The following ARID4B variants were observed in gnomAD, a reference collection of about 807,000 sequenced individuals.
ARID4B encodes the protein AT-rich interactive domain-containing protein 4B.
Under a neutral mutation model 147.5 loss-of-function variants are expected in ARID4B, and 26 were observed. The observed-to-expected ratio is 0.18, with a 90% CI of 0.13 to 0.24. The LOEUF (loss-of-function observed/expected upper bound fraction) is 0.24. Ranked by LOEUF, ARID4B falls within the 10% of genes least tolerant of loss-of-function variation. The probability of loss-of-function intolerance (pLI) is 1.00; values close to 1 mark genes in which losing one functional copy is unlikely to be tolerated. For synonymous variants in ARID4B, 512 were observed against 507.9 expected (o/e 1.01, Z -0.11); for missense variants, 1,179 against 1,511.5 (o/e 0.78, Z 3.65).
At chr1:235,184,827 T>G (rs201077885) in intron 19 of ARID4B, among the ~76,000 whole-genome samples, 35 of 152,294 alleles carry the variant, frequency 2.3e-4, no homozygotes, top group South Asian at 8.3e-4. Context: ...ATTTATTTTT[T>G]TGTGTGTGTG....
intron 2 of ARID4B, among the ~76,000 whole-genome samples, chr1:235,291,166 G>C (rs1269012727): frequency 6.6e-6 from 1 of 152,102 alleles, no homozygotes; most frequent in African/African-American, 2.4e-5. Flanking sequence ...GGATGCGGAG[G>C]TGGGCAGATC....
At chr1:235,248,826 G>A (rs376820180) in intron 6 of ARID4B, among the ~76,000 whole-genome samples, 2 of 152,154 alleles carry the variant, frequency 1.3e-5, no homozygotes, top group African/African-American at 4.8e-5. Flanking sequence ...AAAGACCTGG[G>A]GGTAGGGTAG....
At chr1:235,181,307 C>A (rs758224277) in intron 20 of ARID4B, 79 of 576,510 alleles carry the variant, frequency 1.4e-4, no homozygotes, top group Non-Finnish European at 1.8e-4. Context: ...AATTCTCAAA[C>A]AGGTTTGGAT....
chr1:235,304,748 C>T (rs1673425793), intron 2 of ARID4B, among the ~76,000 whole-genome samples: 1 of 152,128 alleles, frequency 6.6e-6, no homozygotes, highest in Admixed American at 6.6e-5. Flanking sequence ...TACCCATCAC[C>T]ACAAGCATAT....
chr1:235,274,951 G>A (rs1313293136), intron 2 of ARID4B, among the ~76,000 whole-genome samples: 1 of 151,894 alleles, frequency 6.6e-6, no homozygotes, highest in Non-Finnish European at 1.5e-5. Flanking sequence ...CTAAAAACAG[G>A]CACAATGGTA....
At position 235,308,336 on chromosome 1, in the gene ARID4B, A is replaced by C. The variant is rs541743951; in HGVS notation, c.6+18578T>G. ...CCAGGCTGGTCATGAACTCCTCCTG[A>C]CTTCAAGTGATTCGCCCACCTTGGC... On this transcript the variant is annotated intron_variant, in intron 2 of 23. Coordinates refer to ENST00000264183, the MANE Select transcript of ARID4B (RefSeq NM_016374.6). Among the ~76,000 whole-genome samples the C allele has an allele frequency of 3.3e-5, 5 of 151,146 alleles. No individual in the cohort carries two copies. The East Asian group carries it at 9.9e-4, about 30-fold the overall frequency.
chr1:235,292,110 C>A (rs2103214253), intron 2 of ARID4B, among the ~76,000 whole-genome samples: 1 of 152,260 alleles, frequency 6.6e-6, no homozygotes, highest in African/African-American at 2.4e-5. Flanking sequence ...AATACAGATA[C>A]AACTTATAAT....
chr1:235,240,622 A>G (rs1668921513), intron 7 of ARID4B, 171 bp from the exon 8 acceptor site: 1 of 645,514 alleles, frequency 1.5e-6, no homozygotes, highest in Non-Finnish European at 2.6e-6. Context: ...GCAAGAGTTT[A>G]TCATGAGAGG....
At chr1:235,326,877 A>G in intron 2 of ARID4B, 37 bp downstream of exon 2, 2 of 1,613,114 alleles carry the variant, frequency 1.2e-6, no homozygotes, top group African/African-American at 1.3e-5. Flanking sequence ...CCTGAATTCG[A>G]TAACCCCAGA....
intron 2 of ARID4B, among the ~76,000 whole-genome samples, chr1:235,314,001 T>G (rs1470885692): frequency 3.3e-5 from 5 of 152,162 alleles, no homozygotes; most frequent in African/African-American, 1.2e-4. Flanking sequence ...TGCACATTCT[T>G]TCTACCGAAC....
At chr1:235,200,330 G>A (rs1665816040) in intron 17 of ARID4B, among the ~76,000 whole-genome samples, 1 of 152,172 alleles carries the variant, frequency 6.6e-6, no homozygotes, top group Admixed American at 6.5e-5. Context: ...GTGGTAGCGG[G>A]CGCCTGTAGT....
intron 2 of ARID4B, among the ~76,000 whole-genome samples, chr1:235,315,559 T>C (rs1674369639): frequency 6.6e-6 from 1 of 152,248 alleles, no homozygotes. Flanking sequence ...AACTTAAAAG[T>C]GATATACCCT....
intron 2 of ARID4B, among the ~76,000 whole-genome samples, chr1:235,290,098 C>T (rs911636652): frequency 2.0e-5 from 3 of 151,520 alleles, no homozygotes; most frequent in Non-Finnish European, 2.9e-5. Flanking sequence ...ATTCAGAAGT[C>T]TAGTAATGTA....
chr1:235,211,338 G>A (rs1666710161), intron 17 of ARID4B, among the ~76,000 whole-genome samples: 1 of 151,746 alleles, frequency 6.6e-6, no homozygotes, highest in African/African-American at 2.4e-5. Flanking sequence ...TGGAAGGAAG[G>A]AGGGAAGGAG....
At chr1:235,222,678 C>CTTT (rs35090143) in intron 13 of ARID4B, among the ~76,000 whole-genome samples, 1,317 of 130,704 alleles carry the variant, frequency 0.01, 28 homozygotes, top group African/African-American at 0.033. Context: ...GAAAAAAAAT[C>CTTT]TTTTTTTTTT....
At chr1:235,307,562 AAGAG>A (rs563923339) in intron 2 of ARID4B, among the ~76,000 whole-genome samples, 1 of 152,222 alleles carries the variant, frequency 6.6e-6, no homozygotes, top group Non-Finnish European at 1.5e-5. Context: ...GCCAAAGAAA[AAGAG>A]AGAGAGAAAA....
chr1:235,302,498 TAAC>T (rs1673254372), intron 2 of ARID4B, among the ~76,000 whole-genome samples: 2 of 152,202 alleles, frequency 1.3e-5, no homozygotes, highest in Admixed American at 6.5e-5. Flanking sequence ...CATGTTGAAA[TAAC>T]AATGTTTTGG....
chr1:235,255,255 A>ATCTATC (rs1402914523), intron 5 of ARID4B, among the ~76,000 whole-genome samples: 2 of 99,452 alleles, frequency 2.0e-5, no homozygotes, highest in Non-Finnish European at 4.6e-5. Flanking sequence ...AGATAGATAG[A>ATCTATC]TAGATAGATA....
chr1:235,255,322 A>G (rs1292772151), intron 5 of ARID4B, among the ~76,000 whole-genome samples: 1 of 144,680 alleles, frequency 6.9e-6, no homozygotes, highest in Non-Finnish European at 1.5e-5. Flanking sequence ...AGACATTTCT[A>G]TTATAAAACA....
Sources: gnomAD v4.1 joint callset for allele counts (sites outside exome capture counted in the v4.1 genomes callset) on GRCh38, gnomAD v4.1.1 for gene constraint, MANE v1.5 for transcripts, NCBI Gene and HGNC (gene_info 2026-07-23, HGNC 2026-07-21) for gene names.